CLVS1: variants seen among roughly 807,000 people sequenced by gnomAD.
CLVS1 encodes the protein clavesin-1.
In CLVS1, 10 loss-of-function variants were observed where a neutral mutation model predicts 33.1. The observed-to-expected ratio is 0.30, with a 90% CI of 0.19 to 0.51. The LOEUF (loss-of-function observed/expected upper bound fraction) is 0.51, where lower values mean the gene tolerates loss of function less well. CLVS1 is among the 20% of genes least tolerant of loss of function. The probability of loss-of-function intolerance (pLI) is 0.97; values close to 1 mark genes in which losing one functional copy is unlikely to be tolerated. For synonymous variants in CLVS1, 163 were observed against 166.1 expected, an observed-to-expected ratio of 0.98 and a Z score of 0.14; for missense variants, 343 against 433.4, an observed-to-expected ratio of 0.79 and a Z score of 1.85.
chr8:61,246,373 T>A (rs4033247), intron 2 of CLVS1, among the ~76,000 whole-genome samples: 11,534 of 151,532 alleles, frequency 0.076, 590 homozygotes, highest in East Asian at 0.16. Context: ...TTGCACCATG[T>A]TGGTCAGGCT....
intron 2 of CLVS1, among the ~76,000 whole-genome samples, chr8:61,279,586 G>C (rs1809628911): frequency 6.6e-6 from 1 of 151,744 alleles, no homozygotes; most frequent in African/African-American, 2.4e-5. Flanking sequence ...GCATTCATTT[G>C]CCAAACCATA....
At chr8:61,446,890 A>C (rs1816776814) in intron 3 of CLVS1, among the ~76,000 whole-genome samples, 1 of 150,246 alleles carries the variant, frequency 6.7e-6, no homozygotes. Flanking sequence ...TTTCCAAGTG[A>C]TCAAAGATTT....
intron 2 of CLVS1, among the ~76,000 whole-genome samples, chr8:61,155,593 A>C (rs1198594322): frequency 1.3e-5 from 2 of 152,168 alleles, no homozygotes; most frequent in African/African-American, 4.8e-5. Flanking sequence ...TGAGTGAAGG[A>C]AACCACGGTA....
At chr8:61,171,914 G>T (rs1807008958) in intron 2 of CLVS1, among the ~76,000 whole-genome samples, 1 of 152,188 alleles carries the variant, frequency 6.6e-6, no homozygotes, top group African/African-American at 2.4e-5. Flanking sequence ...AATCAAGCAG[G>T]CTTGGTGCAA....
At chr8:61,355,430 A>G (rs991477355) in intron 2 of CLVS1, among the ~76,000 whole-genome samples, 8 of 151,974 alleles carry the variant, frequency 5.3e-5, no homozygotes, top group Admixed American at 2.6e-4. Context: ...TATTATTATT[A>G]TACTTAAAGT....
intron 2 of CLVS1, among the ~76,000 whole-genome samples, chr8:61,275,778 C>G (rs546816064): frequency 6.6e-6 from 1 of 152,268 alleles, no homozygotes; most frequent in Non-Finnish European, 1.5e-5. Flanking sequence ...AAGGTCTTAC[C>G]TTTACAATGC....
chr8:61,427,504 A>G (rs1326697098), intron 3 of CLVS1, among the ~76,000 whole-genome samples: 1 of 152,158 alleles, frequency 6.6e-6, no homozygotes, highest in Non-Finnish European at 1.5e-5. Context: ...GGGAAAGATG[A>G]TCAATACTGC....
chr8:61,198,857 T>C (rs1408521166), intron 2 of CLVS1, among the ~76,000 whole-genome samples: 1 of 152,228 alleles, frequency 6.6e-6, no homozygotes, highest in Non-Finnish European at 1.5e-5. Flanking sequence ...CTTAGGATAA[T>C]GGCCTCCAAT....
intron 1 of CLVS1, among the ~76,000 whole-genome samples, chr8:61,092,861 A>G (rs1209109253): frequency 6.6e-6 from 1 of 152,140 alleles, no homozygotes; most frequent in East Asian, 1.9e-4. Flanking sequence ...GGACTTGAAC[A>G]TATTGGGAGG....
intron 2 of CLVS1, among the ~76,000 whole-genome samples, chr8:61,200,359 G>C: frequency 6.6e-6 from 1 of 152,218 alleles, no homozygotes; most frequent in East Asian, 1.9e-4. Context: ...GACTTCAGGT[G>C]ATCTGCCTGC....
intron 2 of CLVS1, among the ~76,000 whole-genome samples, chr8:61,238,803 G>T (rs1476276275): frequency 6.6e-6 from 1 of 152,206 alleles, no homozygotes; most frequent in Admixed American, 6.5e-5. Flanking sequence ...TGCTATTGGA[G>T]CTATTGAGGT....
At chr8:61,251,794 C>G (rs975459044) in intron 2 of CLVS1, among the ~76,000 whole-genome samples, 1 of 148,310 alleles carries the variant, frequency 6.7e-6, no homozygotes, top group African/African-American at 2.5e-5. Flanking sequence ...TCTATTTGAT[C>G]CTTCTCTCTT....
chr8:61,484,722 C>T (rs1803806515), intron 5 of CLVS1, among the ~76,000 whole-genome samples: 1 of 152,194 alleles, frequency 6.6e-6, no homozygotes, highest in Non-Finnish European at 1.5e-5. Context: ...ACCAAAACAG[C>T]ATGGTACTGG....
chr8:61,373,071 AT>A (rs1813503005), intron 2 of CLVS1, among the ~76,000 whole-genome samples: 1 of 152,170 alleles, frequency 6.6e-6, no homozygotes, highest in Non-Finnish European at 1.5e-5. Context: ...AGGGTGGAGT[AT>A]CTACATAAAT....
At chr8:61,029,814 A>C in the CLVS1 span, among the ~76,000 whole-genome samples, 1 of 152,182 alleles carries the variant, frequency 6.6e-6, no homozygotes, top group Non-Finnish European at 1.5e-5. Context: ...CCTAAACTAA[A>C]ATGGGAGGTA....
the CLVS1 span, among the ~76,000 whole-genome samples, chr8:60,975,910 A>G: frequency 0.48 from 73,212 of 152,028 alleles, 18,139 homozygotes; most frequent in South Asian, 0.68. Context: ...AGATGGAGAT[A>G]CCACAAGCCA....
chr8:61,495,468 T>C (rs1186187665), intron 5 of CLVS1, among the ~76,000 whole-genome samples: 3 of 152,206 alleles, frequency 2.0e-5, no homozygotes, highest in Non-Finnish European at 2.9e-5. Flanking sequence ...CTTTTCATAG[T>C]GGCTCCCAAA....
chr8:61,403,461 G>A (rs1279304608), intron 3 of CLVS1, among the ~76,000 whole-genome samples: 2 of 152,190 alleles, frequency 1.3e-5, no homozygotes, highest in Admixed American at 1.3e-4. Context: ...AACCAGTTAG[G>A]AAACCATTGC....
intron 1 of CLVS1, among the ~76,000 whole-genome samples, chr8:61,121,263 A>G (rs963068262): frequency 1.4e-4 from 21 of 151,968 alleles, no homozygotes; most frequent in Non-Finnish European, 2.1e-4. Context: ...ACTGACCTGC[A>G]CCCACTGTCT....
Sources: allele counts gnomAD v4.1 joint callset (sites outside exome capture counted in the v4.1 genomes callset), GRCh38; gene constraint gnomAD v4.1.1; transcripts MANE v1.5; gene names NCBI Gene and HGNC (gene_info 2026-07-23, HGNC 2026-07-21).